The following SRP68 variants were observed in gnomAD, a reference collection of about 807,000 sequenced individuals.
The protein encoded by SRP68 is signal recognition particle 68.
Under a neutral mutation model 82.2 loss-of-function variants are expected in SRP68, and 15 were observed. The observed-to-expected ratio is 0.18, with a 90% CI of 0.12 to 0.28. The LOEUF (loss-of-function observed/expected upper bound fraction) is 0.28, where lower values mean the gene tolerates loss of function less well. Among genes scored for constraint, SRP68 ranks in the 10% least tolerant of loss-of-function variants. The pLI, the probability that SRP68 is intolerant of heterozygous loss-of-function variation, is 1.00. For missense variants in SRP68, 595 were observed against 780.5 expected (o/e 0.76, Z 2.83); for synonymous variants, 261 against 292.6 (o/e 0.89, Z 1.10).
chr17:76,067,185 G>A (rs779302003), intron 3 of SRP68, 32 bp downstream of exon 3: 1 of 1,487,558 alleles, frequency 6.7e-7, no homozygotes, highest in Non-Finnish European at 9.4e-7. Flanking sequence ...TTAGCAAGAA[G>A]TAATTTGCAA....
chr17:76,061,261 A>G, intron 5 of SRP68, 42 bp from the exon 6 acceptor site: 2 of 1,372,196 alleles, frequency 1.5e-6, no homozygotes, highest in Non-Finnish European at 2.1e-6. Context: ...AGCCTTATAT[A>G]AGAAAAACTC....
chr17:76,062,476 G>T (rs1365608884), intron 4 of SRP68, among the ~76,000 whole-genome samples: 2 of 107,926 alleles, frequency 1.9e-5, no homozygotes, highest in South Asian at 2.6e-4. Flanking sequence ...CCCAAACAAA[G>T]AATATGGAGA....
chr17:76,057,836 G>A (rs1222772272), intron 7 of SRP68, among the ~76,000 whole-genome samples: 3 of 152,038 alleles, frequency 2.0e-5, no homozygotes, highest in Admixed American at 6.6e-5. Context: ...CACCATGCCC[G>A]ACTAATTTTT....
In SRP68 at chr17:76,070,733, T is replaced by G. The variant is rs555053090; in HGVS notation, c.185-289A>C. Among the ~76,000 whole-genome samples, 3 of 151,982 alleles carry G rather than the reference T, an allele frequency of 2.0e-5. 1 individual carries two copies. The highest frequency in any genetic ancestry group is 6.6e-5 in the Admixed American group (1 of 15,250). Reference sequence around the variant, plus strand: ...GGCTAGCACCTGTAATCCCAGCTACTCGGGAGGCTGAGGCAGGAGAATCGC... The same window carrying G: ...GGCTAGCACCTGTAATCCCAGCTACGCGGGAGGCTGAGGCAGGAGAATCGC... On this transcript the variant is annotated intron_variant, in intron 1 of 15. Transcript: ENST00000307877.
intron 8 of SRP68, among the ~76,000 whole-genome samples, chr17:76,052,718 G>A (rs2066682774): frequency 6.6e-6 from 1 of 151,530 alleles, no homozygotes; most frequent in African/African-American, 2.4e-5. Context: ...GCAGGAGAAT[G>A]GCGTGAACCC....
chr17:76,072,448 C>T lies in SRP68; in HGVS notation c.44G>A (p.Gly15Asp). The T allele has an allele frequency of 6.6e-7, 1 of 1,518,298 alleles. No homozygotes were observed. The highest frequency in any genetic ancestry group is 8.9e-7 in the Non-Finnish European group (1 of 1,129,234). The allele number at this position is 1,518,298 out of a possible 1,614,324, so 94.1% of individuals were successfully genotyped here. A position where few individuals can be genotyped will look rare whatever the true frequency, so the allele number is the denominator to read the frequency against. The change falls in exon 1 of 16, where the codon GGC (glycine) becomes GAC (aspartate). Residue 15 changes from glycine (G) to aspartate (D), a missense_variant. This residue lies in a region of SRP68 where 100 missense variants were observed against 91.9 expected (regional missense o/e 1.09). Transcript: ENST00000307877. This position sits in a 1 kb window ranked among gnomAD's most constrained non-coding sequence, Gnocchi z 4.5. The part of the protein sequence containing the change: ...KQVPGGGGGG[G>D]SGGGGGSGGG... ...GCCACTGCCACCGCCGCCGCCACTG[C>T]CGCCGCCGCCGCCGCCGCCTGGGAC... is the stretch of plus-strand genomic sequence containing the variant.
At chr17:76,068,067 G>A (rs888077431) in intron 2 of SRP68, among the ~76,000 whole-genome samples, 17 of 152,044 alleles carry the variant, frequency 1.1e-4, no homozygotes, top group Admixed American at 2.0e-4. Flanking sequence ...CGAGGTGGGC[G>A]GATCACTTGA....
At chr17:76,043,653 A>C in intron 13 of SRP68, 176 bp downstream of exon 13, 1 of 512,244 alleles carries the variant, frequency 2.0e-6, no homozygotes, top group Non-Finnish European at 3.2e-6. Flanking sequence ...GGCCTGGAGC[A>C]CAGCCATGAG....
chr17:76,053,277 A>G (rs1445050569), intron 8 of SRP68, among the ~76,000 whole-genome samples: 2 of 151,688 alleles, frequency 1.3e-5, no homozygotes, highest in Non-Finnish European at 2.9e-5. Flanking sequence ...AAAAAAAAAA[A>G]AAAAAAAAGA....
chr17:76,049,119 G>A (rs1326439079), intron 9 of SRP68: 2 of 152,252 alleles, frequency 1.3e-5, no homozygotes, highest in Non-Finnish European at 2.9e-5. Flanking sequence ...GAGTTCTGGA[G>A]ATGGACTGTT....
At chr17:76,070,468 C>T (rs1354406079) in intron 1 of SRP68, 24 bp from the exon 2 acceptor site, 6 of 1,596,118 alleles carry the variant, frequency 3.8e-6, no homozygotes, top group African/African-American at 2.7e-5. Context: ...TAAGGAAAAT[C>T]TTACCATAGC....
At position 76,062,657 on chromosome 17, in the gene SRP68, T is replaced by TTATATAATATACATTATATAA. The variant is rs2066768638; in HGVS notation, c.562-1104_562-1084dup. 2.3e-4 allele frequency among the ~76,000 whole-genome samples: 6 copies of TTATATAATATACATTATATAA among 26,372 alleles called. 1 individual carries two copies. The highest frequency in any genetic ancestry group is 5.9e-4 in the South Asian group (1 of 1,708). The allele number at this position is 26,372 out of a possible 152,430, so 17.3% of individuals were successfully genotyped here. ...TATATTATATAATATACATTATATA[T>TTATATAATATACATTATATAA]TATATAATATACATTATATAATATA... On this transcript the variant is annotated intron_variant, in intron 4 of 15. Transcript: ENST00000307877.
chr17:76,071,749 T>C lies in SRP68; in HGVS notation c.184+559A>G, dbSNP rs1159199911. Among the ~76,000 whole-genome samples the C allele has an allele frequency of 2.6e-5, 4 of 152,212 alleles. No homozygotes were observed. Among genetic ancestry groups the C allele is most frequent in the Non-Finnish European group, 5.9e-5 (4 of 68,038 alleles). ...AACCGATTCCTCCAGCTTATATGAA[T>C]GACTGTCAGCAAGATAAAATGCCTA... On this transcript the variant is annotated intron_variant, in intron 1 of 15. Transcript: ENST00000307877. This position sits in a 1 kb window ranked among gnomAD's most constrained non-coding sequence, Gnocchi z 4.7.
intron 4 of SRP68, 85 bp from the exon 5 acceptor site, chr17:76,061,659 A>G: frequency 2.7e-6 from 3 of 1,124,168 alleles, no homozygotes; most frequent in African/African-American, 1.6e-5. Flanking sequence ...TCTAACTTTG[A>G]TATCAAGAAT....
intron 8 of SRP68, among the ~76,000 whole-genome samples, chr17:76,057,048 G>A (rs1407270981): frequency 1.3e-5 from 2 of 152,212 alleles, no homozygotes; most frequent in African/African-American, 4.8e-5. Flanking sequence ...TTTAGGGCTA[G>A]GAGGTTACGA....
At chr17:76,051,128 T>C (rs1467658549) in intron 8 of SRP68, among the ~76,000 whole-genome samples, 1 of 152,222 alleles carries the variant, frequency 6.6e-6, no homozygotes, top group Non-Finnish European at 1.5e-5. Context: ...GCCACAGACG[T>C]GCTGCACTCA....
chr17:76,061,449 C>G (rs1408482536), intron 5 of SRP68, 43 bp downstream of exon 5: 2 of 1,537,740 alleles, frequency 1.3e-6, no homozygotes, highest in East Asian at 2.3e-5. Context: ...ATTTGACAAT[C>G]TGTAATTAAA....
In SRP68 at chr17:76,072,453, G is replaced by A. The variant is rs1458031767; in HGVS notation, c.39C>T (p.Gly13=). Residue 13 remains glycine, a synonymous_variant, in exon 1 of 16, where the codon GGC becomes GGT. Coordinates refer to ENST00000307877, the MANE Select transcript of SRP68 (RefSeq NM_014230.4). The surrounding 1 kb of genome is among the most constrained non-coding windows in gnomAD (Gnocchi z 4.5). ...AEKQVPGGGG[G]GGSGGGGGSG... ...TGCCACCGCCGCCGCCACTGCCGCC[G>A]CCGCCGCCGCCGCCTGGGACCTGCT... 6.3e-7 allele frequency: 1 copy of A among 1,580,290 alleles called. No individual in the cohort carries two copies. The highest frequency in any genetic ancestry group is 8.5e-7 in the Non-Finnish European group (1 of 1,169,610).
rs2144470864 is a variant in SRP68 at position 76,039,018 on chromosome 17, T to TGACCTCACCGGCTTCACGC, written c.*669_*687dup. ...AGTTGCCGGTAAGTCAGGTTACACT[T>TGACCTCACCGGCTTCACGC]GACCTCACCGGCTTCACGCAACTAG... is the stretch of plus-strand genomic sequence containing the variant. On this transcript the variant is annotated 3_prime_UTR_variant, in exon 16 of 16. Transcript: ENST00000307877. 9.8e-6 allele frequency: 2 copies of TGACCTCACCGGCTTCACGC among 204,464 alleles called. No homozygotes were observed. Among genetic ancestry groups the TGACCTCACCGGCTTCACGC allele is most frequent in the East Asian group, 2.2e-4 (2 of 8,990 alleles). The allele number at this position is 204,464 out of a possible 1,614,324, so 12.7% of individuals were successfully genotyped here.
Sources: allele counts gnomAD v4.1 joint callset (sites outside exome capture counted in the v4.1 genomes callset), GRCh38; gene constraint gnomAD v4.1.1; regional missense constraint gnomAD v4.1.1; non-coding constraint Gnocchi (gnomAD v3.1); transcripts MANE v1.5; gene names NCBI Gene and HGNC (gene_info 2026-07-23, HGNC 2026-07-21).